Variants in CADM2 observed in about 807,000 individuals in gnomAD.
CADM2 encodes the protein cell adhesion molecule 2.
In CADM2, 12 loss-of-function variants were observed where a neutral mutation model predicts 49.8. The ratio of observed to expected loss-of-function variants is 0.24; its 90% CI spans 0.15 to 0.39. The LOEUF (loss-of-function observed/expected upper bound fraction) is 0.39. Ranked by LOEUF, CADM2 falls within the 10% of genes least tolerant of loss-of-function variation. CADM2 has a pLI of 1.00. For synonymous variants in CADM2, 214 were observed against 175.4 expected, an observed-to-expected ratio of 1.22 and a Z score of -1.74; for missense variants, 378 against 492.3, an observed-to-expected ratio of 0.77 and a Z score of 2.20.
chr3:85,611,522 A>G (rs1185281048), intron 1 of CADM2, among the ~76,000 whole-genome samples: 1 of 151,878 alleles, frequency 6.6e-6, no homozygotes, highest in Non-Finnish European at 1.5e-5. Flanking sequence ...GAGTGGAGGG[A>G]AAGACCTGCT....
At chr3:85,504,951 G>A (rs2040269597) in intron 1 of CADM2, among the ~76,000 whole-genome samples, 1 of 152,100 alleles carries the variant, frequency 6.6e-6, no homozygotes, top group African/African-American at 2.4e-5. Context: ...GGGCCGGCAG[G>A]GCCGGCCGGC....
intron 1 of CADM2, among the ~76,000 whole-genome samples, chr3:85,242,041 G>A (rs2042542968): frequency 6.7e-6 from 1 of 149,824 alleles, no homozygotes; most frequent in South Asian, 2.1e-4. Context: ...ATAAGATTAA[G>A]GAAATCAGAG....
intron 1 of CADM2, among the ~76,000 whole-genome samples, chr3:85,492,224 G>T (rs991639792): frequency 3.3e-5 from 5 of 152,204 alleles, no homozygotes; most frequent in African/African-American, 9.6e-5. Flanking sequence ...TCTTTGTTTT[G>T]GGAAGATGTA....
intron 9 of CADM2, among the ~76,000 whole-genome samples, chr3:86,066,391 G>A (rs9816329): frequency 0.21 from 30,227 of 140,732 alleles, 3,386 homozygotes; most frequent in East Asian, 0.28. Context: ...TGCTACAGCT[G>A]TAAGGTTCAC....
intron 5 of CADM2, among the ~76,000 whole-genome samples, chr3:85,909,401 A>AATATATATATATATATAT (rs59251646): frequency 6.8e-6 from 1 of 147,322 alleles, no homozygotes; most frequent in Non-Finnish European, 1.5e-5. Context: ...TGTAAAATGA[A>AATATATATATATATATAT]ATATATATAT....
intron 1 of CADM2, among the ~76,000 whole-genome samples, chr3:85,314,335 A>C (rs1179320186): frequency 6.6e-6 from 1 of 152,142 alleles, no homozygotes; most frequent in African/African-American, 2.4e-5. Flanking sequence ...CTTATTAAAA[A>C]ACCACACTGT....
At chr3:85,914,120 T>C (rs1001121338) in intron 6 of CADM2, among the ~76,000 whole-genome samples, 1 of 152,174 alleles carries the variant, frequency 6.6e-6, no homozygotes, top group African/African-American at 2.4e-5. Flanking sequence ...TTGAAAACAT[T>C]ATAATGTTTA....
chr3:85,758,019 G>GT (rs1559636764), intron 2 of CADM2, among the ~76,000 whole-genome samples: 1 of 152,096 alleles, frequency 6.6e-6, no homozygotes, highest in Non-Finnish European at 1.5e-5. Flanking sequence ...TGCTTTATTT[G>GT]TTTTTTAATT....
chr3:85,259,823 G>T (rs1206181717), intron 1 of CADM2, among the ~76,000 whole-genome samples: 1 of 152,076 alleles, frequency 6.6e-6, no homozygotes, highest in Non-Finnish European at 1.5e-5. Context: ...TTTCCAATCT[G>T]ATTATGGGTC....
At chr3:85,534,095 A>C (rs1394820888) in intron 1 of CADM2, among the ~76,000 whole-genome samples, 1 of 152,212 alleles carries the variant, frequency 6.6e-6, no homozygotes, top group Non-Finnish European at 1.5e-5. Context: ...TGTATTCTTT[A>C]GAAAAAAGTT....
chr3:85,821,277 A>G (rs1337801332), intron 3 of CADM2, among the ~76,000 whole-genome samples: 1 of 152,162 alleles, frequency 6.6e-6, no homozygotes, highest in Non-Finnish European at 1.5e-5. Context: ...CAGGGAGGGC[A>G]GGATCAGACA....
chr3:85,280,630 A>G (rs1445641640), intron 1 of CADM2, among the ~76,000 whole-genome samples: 5 of 151,734 alleles, frequency 3.3e-5, no homozygotes, highest in Non-Finnish European at 7.4e-5. Flanking sequence ...TTCATTTATA[A>G]AAGCTTTCTA....
chr3:85,848,003 G>A (rs2074951310), intron 3 of CADM2, among the ~76,000 whole-genome samples: 1 of 151,790 alleles, frequency 6.6e-6, no homozygotes, highest in Admixed American at 6.6e-5. Context: ...TTAATTTTCT[G>A]TATGGAATTA....
chr3:85,008,064 T>C (rs898835635), intron 1 of CADM2, among the ~76,000 whole-genome samples: 1 of 152,128 alleles, frequency 6.6e-6, no homozygotes. Flanking sequence ...CTGGCAAGAA[T>C]CAATGCCTCA....
At chr3:85,546,865 C>A (rs2061679726) in intron 1 of CADM2, among the ~76,000 whole-genome samples, 1 of 151,980 alleles carries the variant, frequency 6.6e-6, no homozygotes, top group Non-Finnish European at 1.5e-5. Context: ...GACATCTAAG[C>A]CAAGACTATG....
At chr3:85,205,225 AT>A (rs2041604250) in intron 1 of CADM2, among the ~76,000 whole-genome samples, 1 of 152,002 alleles carries the variant, frequency 6.6e-6, no homozygotes, top group Admixed American at 6.6e-5. Context: ...GTCTCACTAT[AT>A]TTCTCAGGCT....
chr3:85,162,094 T>C (rs970324957), intron 1 of CADM2, among the ~76,000 whole-genome samples: 2 of 150,066 alleles, frequency 1.3e-5, no homozygotes, highest in Non-Finnish European at 3.0e-5. Flanking sequence ...CAGATATTGA[T>C]TGGGTTCATT....
chr3:85,479,333 G>A (rs997911411), intron 1 of CADM2, among the ~76,000 whole-genome samples: 7 of 151,876 alleles, frequency 4.6e-5, no homozygotes, highest in African/African-American at 1.4e-4. Context: ...TCTATTTAAG[G>A]AATGTGTTAA....
At chr3:86,024,932 G>A (rs1733697312) in intron 8 of CADM2, among the ~76,000 whole-genome samples, 1 of 151,972 alleles carries the variant, frequency 6.6e-6, no homozygotes, top group South Asian at 2.1e-4. Context: ...GCCCTGGAGT[G>A]CAGTGGTGCA....
Sources: allele counts gnomAD v4.1 joint callset (sites outside exome capture counted in the v4.1 genomes callset), GRCh38; gene constraint gnomAD v4.1.1; transcripts MANE v1.5; gene names NCBI Gene and HGNC (gene_info 2026-07-23, HGNC 2026-07-21).